Variants in DCDC1 observed in about 807,000 individuals in gnomAD.
DCDC1 encodes the protein doublecortin domain containing 1.
A neutral mutation model predicts 178.3 loss-of-function variants in DCDC1; 200 were observed. The ratio of observed to expected loss-of-function variants is 1.12; its 90% CI spans 1.00 to 1.26. The LOEUF is 1.26. Among genes scored for constraint, DCDC1 ranks in the 50% most tolerant of loss-of-function variants. The probability of loss-of-function intolerance (pLI) is 0.00; values close to 1 mark genes in which losing one functional copy is unlikely to be tolerated. For synonymous variants in DCDC1, 690 were observed against 604.8 expected (o/e 1.14, Z -2.07); for missense variants, 1,983 against 1,749.2 (o/e 1.13, Z -2.38).
At chr11:31,187,428 A>G (rs1338004386) in intron 9 of DCDC1, among the ~76,000 whole-genome samples, 1 of 152,228 alleles carries the variant, frequency 6.6e-6, no homozygotes, top group East Asian at 1.9e-4. Flanking sequence ...GATCAATGAC[A>G]GGAAATTATT....
chr11:31,044,473 A>G (rs520294), intron 20 of DCDC1, among the ~76,000 whole-genome samples: 70,526 of 138,576 alleles, frequency 0.51, 18,608 homozygotes, highest in African/African-American at 0.65. Context: ...GCGATACTCC[A>G]TCTCAAAAAA....
intron 3 of DCDC1, among the ~76,000 whole-genome samples, chr11:31,310,079 C>G (rs1211206787): frequency 6.6e-6 from 1 of 151,912 alleles, no homozygotes; most frequent in Non-Finnish European, 1.5e-5. Context: ...AGGGTTAGGA[C>G]AAGAGATTAT....
intron 6 of DCDC1, among the ~76,000 whole-genome samples, chr11:31,295,375 GC>G (rs1947615281): frequency 6.6e-6 from 1 of 151,938 alleles, no homozygotes; most frequent in African/African-American, 2.4e-5. Context: ...CACTGTTGGT[GC>G]CCCCCCAAGG....
intron 10 of DCDC1, among the ~76,000 whole-genome samples, chr11:31,132,579 T>A (rs1175475134): frequency 6.6e-6 from 1 of 152,158 alleles, no homozygotes; most frequent in African/African-American, 2.4e-5. Context: ...AAACTTGACC[T>A]TTTGTGATCC....
intron 10 of DCDC1, among the ~76,000 whole-genome samples, chr11:31,128,730 T>A (rs1312851104): frequency 6.6e-6 from 1 of 152,138 alleles, no homozygotes; most frequent in East Asian, 1.9e-4. Flanking sequence ...AGAATAACAC[T>A]GGCTTTACAT....
intron 20 of DCDC1, among the ~76,000 whole-genome samples, chr11:31,052,333 G>A (rs1955312923): frequency 6.6e-6 from 1 of 152,088 alleles, no homozygotes; most frequent in African/African-American, 2.4e-5. Flanking sequence ...ACCTAACACT[G>A]GAGCTCCCAA....
At chr11:31,109,065 C>G (rs1959032076) in intron 12 of DCDC1, among the ~76,000 whole-genome samples, 1 of 151,798 alleles carries the variant, frequency 6.6e-6, no homozygotes, top group East Asian at 1.9e-4. Flanking sequence ...CAGCACAGCT[C>G]AATTTCAGTG....
intron 32 of DCDC1, among the ~76,000 whole-genome samples, chr11:30,903,265 C>T (rs1053525726): frequency 2.0e-5 from 3 of 152,106 alleles, no homozygotes; most frequent in East Asian, 3.9e-4. Flanking sequence ...TTTATTGTTT[C>T]AGTGCTAAAA....
At chr11:31,061,401 G>C (rs1955910399) in intron 20 of DCDC1, among the ~76,000 whole-genome samples, 1 of 152,040 alleles carries the variant, frequency 6.6e-6, no homozygotes, top group Admixed American at 6.6e-5. Flanking sequence ...TTTTATCGAA[G>C]CAAGGAGAGA....
At chr11:30,875,478 G>C (rs1398171620) in intron 38 of DCDC1, among the ~76,000 whole-genome samples, 1 of 151,882 alleles carries the variant, frequency 6.6e-6, no homozygotes, top group Non-Finnish European at 1.5e-5. Flanking sequence ...ACGCAGATTT[G>C]TGTGTTTTGA....
intron 6 of DCDC1, among the ~76,000 whole-genome samples, chr11:31,302,525 T>C (rs1466185853): frequency 2.6e-5 from 4 of 152,294 alleles, no homozygotes; most frequent in Non-Finnish European, 4.4e-5. Flanking sequence ...AGTATTTATA[T>C]AAAATATTTC....
intron 21 of DCDC1, among the ~76,000 whole-genome samples, chr11:30,936,988 C>T (rs1947317109): frequency 6.6e-6 from 1 of 152,144 alleles, no homozygotes; most frequent in Admixed American, 6.5e-5. Context: ...TCCCCTGTTG[C>T]CTTCCCCAAC....
chr11:31,035,273 T>G (rs1056373989), intron 20 of DCDC1, among the ~76,000 whole-genome samples: 2 of 152,210 alleles, frequency 1.3e-5, no homozygotes, highest in African/African-American at 4.8e-5. Flanking sequence ...TGTGACAGTA[T>G]TAGCTAAACT....
At chr11:30,891,665 AG>A (rs796387785) in intron 36 of DCDC1, among the ~76,000 whole-genome samples, 20 of 152,326 alleles carry the variant, frequency 1.3e-4, no homozygotes, top group African/African-American at 4.6e-4. Flanking sequence ...CTTCTGAAAA[AG>A]CTTTCACTAT....
chr11:31,314,441 T>G (rs1948944893), intron 3 of DCDC1: 1 of 152,172 alleles, frequency 6.6e-6, no homozygotes, highest in South Asian at 2.1e-4. Context: ...TAACATCTAT[T>G]TATGAGCACA....
rs553924435 is a variant in DCDC1 at position 31,157,323 on chromosome 11, C to A, written c.1222-19539G>T. 1.2e-3 allele frequency among the ~76,000 whole-genome samples: 159 copies of A among 128,628 alleles called. 1 individual carries two copies. The highest frequency in any genetic ancestry group is 3.9e-3 in the African/African-American group (136 of 34,798). 84.4% of individuals were successfully genotyped at this position (128,628 alleles called of 152,430 possible). A position where few individuals can be genotyped will look rare whatever the true frequency, so the allele number is the denominator to read the frequency against. ...GGAGGATCACTTGAGCCCAGGAGTTCAAGGTTACAGAGAAAGAGCAAGACC... is the reference window on the plus strand; with the variant it reads ...GGAGGATCACTTGAGCCCAGGAGTTAAAGGTTACAGAGAAAGAGCAAGACC... On this transcript the variant is annotated intron_variant, in intron 9 of 38. Transcript: ENST00000684477.
At chr11:31,213,108 T>TTTCTCTCTCTCTCTC (rs1565441879) in intron 9 of DCDC1, among the ~76,000 whole-genome samples, 1 of 26,380 alleles carries the variant, frequency 3.8e-5, no homozygotes, top group Non-Finnish European at 1.1e-4. Context: ...AGCCTCTCTC[T>TTTCTCTCTCTCTCTC]CTCTCTCTCT....
intron 20 of DCDC1, among the ~76,000 whole-genome samples, chr11:31,017,141 A>G (rs1184982543): frequency 6.6e-6 from 1 of 152,238 alleles, no homozygotes; most frequent in African/African-American, 2.4e-5. Flanking sequence ...AGTAAAAAAA[A>G]GATTAGCTAA....
intron 36 of DCDC1, among the ~76,000 whole-genome samples, chr11:30,892,115 G>T (rs1277927133): frequency 1.3e-5 from 2 of 152,064 alleles, no homozygotes; most frequent in African/African-American, 2.4e-5. Flanking sequence ...CAACAGATAA[G>T]ACTTTTAAAA....
Sources: gnomAD v4.1 joint callset for allele counts (sites outside exome capture counted in the v4.1 genomes callset) on GRCh38, gnomAD v4.1.1 for gene constraint, MANE v1.5 for transcripts, NCBI Gene and HGNC (gene_info 2026-07-23, HGNC 2026-07-21) for gene names.